The following RIPOR2 variants were observed in gnomAD, a reference collection of about 807,000 sequenced individuals.
RIPOR2 encodes the protein RHO family interacting cell polarization regulator 2.
In RIPOR2, 39 loss-of-function variants were observed where a neutral mutation model predicts 114.5. The observed-to-expected ratio is 0.34, with a 90% CI of 0.26 to 0.44. RIPOR2 has a LOEUF of 0.44. Among genes scored for constraint, RIPOR2 ranks in the 20% least tolerant of loss-of-function variants. The pLI is 1.00. For synonymous variants in RIPOR2, 445 were observed against 484.4 expected, an observed-to-expected ratio of 0.92 and a Z score of 1.07; for missense variants, 1,007 against 1,255.1, an observed-to-expected ratio of 0.80 and a Z score of 2.99.
intron 1 of RIPOR2, among the ~76,000 whole-genome samples, chr6:24,964,147 CTGTGTGTG>C (rs70974955): frequency 2.0e-4 from 30 of 146,696 alleles, no homozygotes; most frequent in South Asian, 4.4e-4. Flanking sequence ...GACATTGGCT[CTGTGTGTG>C]TGTGTGTGTG....
At chr6:24,919,081 TG>T (rs753228439) in intron 1 of RIPOR2, among the ~76,000 whole-genome samples, 19 of 152,216 alleles carry the variant, frequency 1.2e-4, no homozygotes, top group Non-Finnish European at 2.6e-4. Context: ...ATCCAACTCC[TG>T]CAGCACAGCT....
intron 7 of RIPOR2, 101 bp downstream of exon 7, chr6:24,865,200 A>T: frequency 1.1e-6 from 1 of 931,380 alleles, no homozygotes; most frequent in East Asian, 2.7e-5. Context: ...AGAGGGTGGA[A>T]TGAGGTTGTG....
intron 1 of RIPOR2, among the ~76,000 whole-genome samples, chr6:24,965,741 C>T (rs1265991737): frequency 6.6e-6 from 1 of 152,114 alleles, no homozygotes; most frequent in Non-Finnish European, 1.5e-5. Flanking sequence ...AAAAGCTATA[C>T]ACAAAACAAA....
In RIPOR2 at chr6:25,010,574, A is replaced by G. The variant is rs80063537; in HGVS notation, c.76+31277T>C. Among the ~76,000 whole-genome samples, 436 of 152,324 alleles carry G rather than the reference A, an allele frequency of 2.9e-3. 5 individuals carry two copies. The highest frequency in any genetic ancestry group is 0.01 in the African/African-American group (420 of 41,564). ...AAGTGAAAATTAGAATTATTTTAAA[A>G]TTACTTTTTCTTGTTAGATGGCATT... On this transcript the variant is annotated intron_variant, in intron 1 of 13. Transcript: ENST00000510784.
intron 1 of RIPOR2, among the ~76,000 whole-genome samples, chr6:25,013,143 G>T (rs1457335304): frequency 6.6e-6 from 1 of 151,966 alleles, no homozygotes; most frequent in Admixed American, 6.5e-5. Context: ...TGTCATTGAT[G>T]TTCAGATTGC....
At chr6:24,924,245 A>C (rs1360990775) in intron 1 of RIPOR2, among the ~76,000 whole-genome samples, 2 of 152,160 alleles carry the variant, frequency 1.3e-5, no homozygotes, top group East Asian at 3.8e-4. Flanking sequence ...ACTCCTTGGT[A>C]AATTGGGACT....
At chr6:24,821,723 A>G (rs1415422974) in intron 19 of RIPOR2, among the ~76,000 whole-genome samples, 1 of 152,196 alleles carries the variant, frequency 6.6e-6, no homozygotes, top group Non-Finnish European at 1.5e-5. Flanking sequence ...GTGGGCAGCT[A>G]CACAGGGACT....
At chr6:25,022,192 T>TA (rs1326049019) in intron 1 of RIPOR2, among the ~76,000 whole-genome samples, 1 of 152,200 alleles carries the variant, frequency 6.6e-6, no homozygotes, top group African/African-American at 2.4e-5. Context: ...ACAGAAGAGT[T>TA]ACATCATATG....
rs1259784676 is a variant in RIPOR2, at chr6:24,840,560, A to AT, written c.1858-1289dup. 2.5e-5 allele frequency: 37 copies of AT among 1,457,044 alleles called. No individual in the cohort carries two copies. In the African/African-American group the frequency reaches 5.0e-4, roughly 20 times the overall value. The allele number at this position is 1,457,044 out of a possible 1,614,324, so 90.3% of individuals were successfully genotyped here. A position where few individuals can be genotyped will look rare whatever the true frequency, so the allele number is the denominator to read the frequency against. The stretch of plus-strand genomic sequence containing the variant: ...AAATTCTGCAAGTTAGAAGCACTAA[A>AT]TGTCCTCCATCCAGTTAGGTGACAC... On this transcript the variant is annotated intron_variant, in intron 13 of 21. Transcript: ENST00000643898.
chr6:24,898,150 A>G (rs1768071263), intron 1 of RIPOR2, among the ~76,000 whole-genome samples: 1 of 152,152 alleles, frequency 6.6e-6, no homozygotes, highest in Admixed American at 6.5e-5. Flanking sequence ...AATGACACCT[A>G]TTATCCTATT....
chr6:24,872,639 G>C (rs757279032), intron 4 of RIPOR2, among the ~76,000 whole-genome samples: 1 of 152,130 alleles, frequency 6.6e-6, no homozygotes, highest in African/African-American at 2.4e-5. Context: ...GTTTCATGAA[G>C]ATATACATTT....
At chr6:24,910,541 C>T (rs1769456182) in intron 1 of RIPOR2, 1 of 152,386 alleles carries the variant, frequency 6.6e-6, no homozygotes, top group African/African-American at 2.4e-5. Context: ...CTGTGGGCCC[C>T]TCTAACCTTG....
At chr6:24,992,841 C>T (rs987200418) in intron 1 of RIPOR2, among the ~76,000 whole-genome samples, 4 of 152,212 alleles carry the variant, frequency 2.6e-5, no homozygotes, top group African/African-American at 9.7e-5. Context: ...GTAACTAAAA[C>T]AGCATGGTAC....
chr6:25,038,308 T>G (rs531977976), intron 1 of RIPOR2, among the ~76,000 whole-genome samples: 200 of 152,396 alleles, frequency 1.3e-3, no homozygotes, highest in African/African-American at 4.5e-3. Flanking sequence ...ATACAGGTTC[T>G]GTATAGTTCT....
At position 24,976,905 on chromosome 6, in the gene RIPOR2, C is replaced by T. The variant is rs150474528; in HGVS notation, c.76+64946G>A. ...AAAGAAGGCATGAATATTGTGGAGGCCATGGAGCGCTTTGGGTCCAGGAAT... is the reference window on the plus strand; with the variant it reads ...AAAGAAGGCATGAATATTGTGGAGGTCATGGAGCGCTTTGGGTCCAGGAAT... On this transcript the variant is annotated intron_variant, in intron 1 of 13. Coordinates refer to the RIPOR2 transcript ENST00000510784. The T allele has an allele frequency of 4.9e-3, 7,846 of 1,603,104 alleles. 32 individuals carry two copies. The highest frequency in any genetic ancestry group is 6.0e-3 in the Non-Finnish European group (7,103 of 1,176,158).
In RIPOR2 at chr6:25,015,518, TC is replaced by T. The variant is rs1456476536; in HGVS notation, c.76+26332del. The T allele has an allele frequency of 5.3e-5, 8 of 152,332 alleles. No homozygotes were observed. In the East Asian group the frequency reaches 1.5e-3, roughly 29 times the overall value. The allele number at this position is 152,332 out of a possible 1,614,324, so 9.4% of individuals were successfully genotyped here. ...ACACGGCACTACTGGGTATGCTGTC[TC>T]CTTGGATTGTGTCATATTTTTAACC... On this transcript the variant is annotated intron_variant, in intron 1 of 13. Coordinates refer to the RIPOR2 transcript ENST00000510784.
intron 15 of RIPOR2, among the ~76,000 whole-genome samples, chr6:24,833,068 A>G (rs1354814450): frequency 6.6e-6 from 1 of 152,240 alleles, no homozygotes; most frequent in African/African-American, 2.4e-5. Context: ...GCAGTTCACA[A>G]GAATGAGAAG....
chr6:24,944,960 T>C (rs1772333231), intron 1 of RIPOR2, among the ~76,000 whole-genome samples: 1 of 152,116 alleles, frequency 6.6e-6, no homozygotes, highest in Non-Finnish European at 1.5e-5. Flanking sequence ...AGTAGGGAAA[T>C]TATAGTTGAC....
At chr6:24,910,955 A>C (rs761448463) in intron 1 of RIPOR2, 8 of 985,220 alleles carry the variant, frequency 8.1e-6, no homozygotes, top group Non-Finnish European at 9.6e-6. Flanking sequence ...CACTTGGGTG[A>C]AGGGGACCCC....
Sources: allele counts gnomAD v4.1 joint callset (sites outside exome capture counted in the v4.1 genomes callset), GRCh38; gene constraint gnomAD v4.1.1; transcripts MANE v1.5; gene names NCBI Gene and HGNC (gene_info 2026-07-23, HGNC 2026-07-21).